The following SLCO1C1 variants were observed in gnomAD, a reference collection of about 807,000 sequenced individuals.
SLCO1C1 encodes OAT-RP-5.
SLCO1C1 carries 70 observed loss-of-function variants against 76.4 expected under a neutral mutation model. That is an observed-to-expected ratio of 0.92 (90% CI 0.76 to 1.12). SLCO1C1 has a LOEUF of 1.12. SLCO1C1 is among the 50% of genes most tolerant of loss of function. SLCO1C1 has a pLI of 0.00. For missense variants in SLCO1C1, 912 were observed against 823.8 expected, an observed-to-expected ratio of 1.11 and a Z score of -1.31; for synonymous variants, 306 against 286.1, an observed-to-expected ratio of 1.07 and a Z score of -0.70.
intron 12 of SLCO1C1, among the ~76,000 whole-genome samples, chr12:20,742,181 T>C (rs17326431): frequency 0.44 from 66,215 of 152,000 alleles, 17,157 homozygotes; most frequent in South Asian, 0.63. Flanking sequence ...TTCCAGAACA[T>C]TGTGGCTACT....
intron 12 of SLCO1C1, among the ~76,000 whole-genome samples, chr12:20,741,134 T>C (rs546416408): frequency 8.9e-4 from 136 of 152,028 alleles, no homozygotes; most frequent in African/African-American, 3.0e-3. Context: ...CCATCAGATC[T>C]TGTGAGAACA....
At chr12:20,700,570 G>A (rs1946473918) in intron 2 of SLCO1C1, among the ~76,000 whole-genome samples, 1 of 151,364 alleles carries the variant, frequency 6.6e-6, no homozygotes, top group South Asian at 2.1e-4. Flanking sequence ...TTTACATTAG[G>A]TATATCTCCT....
rs182594758 is a variant in SLCO1C1 at position 20,735,193 on chromosome 12, G to C, written c.1383-1914G>C. 4.5e-3 allele frequency among the ~76,000 whole-genome samples: 691 copies of C among 152,204 alleles called. 3 individuals carry two copies. The highest frequency in any genetic ancestry group is 6.8e-3 in the Non-Finnish European group (462 of 68,006). Reference sequence around the variant, plus strand: ...TCCATGTTGCTTTATTCCAAACGCTGTCTTGACCTGAATATTCAATAGGAA... The same window carrying C: ...TCCATGTTGCTTTATTCCAAACGCTCTCTTGACCTGAATATTCAATAGGAA... On this transcript the variant is annotated intron_variant, in intron 10 of 14. Transcript: ENST00000266509.
intron 12 of SLCO1C1, among the ~76,000 whole-genome samples, 164 bp from the exon 13 acceptor site, chr12:20,743,141 T>C (rs1948896779): frequency 6.6e-6 from 1 of 152,194 alleles, no homozygotes; most frequent in African/African-American, 2.4e-5. Flanking sequence ...GGAATGTGGC[T>C]TTTACGTATT....
Position 20,752,294 on chromosome 12 carries a change from C to G in SLCO1C1, c.1917-12C>G. 6.7e-7 allele frequency: 1 copy of G among 1,489,600 alleles called. No individual in the cohort carries two copies. Among genetic ancestry groups the G allele is most frequent in the Non-Finnish European group, 9.1e-7 (1 of 1,104,116 alleles). The allele number at this position is 1,489,600 out of a possible 1,614,324, so 92.3% of individuals were successfully genotyped here. ...TTGCATTAATTATAACAGAGATTCT[C>G]TCTTCTTCTAGACATATATATCTGG... On this transcript the variant is annotated splice_polypyrimidine_tract_variant and intron_variant, in intron 14 of 14. Transcript: ENST00000266509.
chr12:20,722,425 A>T (rs1947725710), intron 8 of SLCO1C1, among the ~76,000 whole-genome samples: 3 of 152,222 alleles, frequency 2.0e-5, no homozygotes, highest in African/African-American at 7.2e-5. Context: ...GTATCAATGC[A>T]TGTCTCTCAC....
chr12:20,733,672 T>A (rs1421123255), intron 10 of SLCO1C1, among the ~76,000 whole-genome samples: 2 of 152,200 alleles, frequency 1.3e-5, no homozygotes, highest in African/African-American at 4.8e-5. Flanking sequence ...TCATGTAAAG[T>A]TTCAGGAAAC....
At chr12:20,738,427 T>C (rs1272189520) in intron 11 of SLCO1C1, among the ~76,000 whole-genome samples, 2 of 152,168 alleles carry the variant, frequency 1.3e-5, no homozygotes, top group Non-Finnish European at 2.9e-5. Flanking sequence ...CATTTATTTA[T>C]ATATCCTTAT....
At chr12:20,720,237 A>T (rs1421694541) in intron 7 of SLCO1C1, among the ~76,000 whole-genome samples, 1 of 152,184 alleles carries the variant, frequency 6.6e-6, no homozygotes, top group Non-Finnish European at 1.5e-5. Context: ...ATTACTGCTC[A>T]TTGGCAATGC....
At chr12:20,719,264 C>T (rs1489131926) in intron 7 of SLCO1C1, among the ~76,000 whole-genome samples, 3 of 152,072 alleles carry the variant, frequency 2.0e-5, no homozygotes, top group East Asian at 1.9e-4. Flanking sequence ...CTGACTGCTC[C>T]ACTGACTGGC....
At chr12:20,716,175 G>T (rs868367418) in intron 6 of SLCO1C1, among the ~76,000 whole-genome samples, 1 of 152,136 alleles carries the variant, frequency 6.6e-6, no homozygotes, top group African/African-American at 2.4e-5. Flanking sequence ...GGGGGTGCTG[G>T]TTACACCTGA....
At chr12:20,712,332 A>G (rs1168770201) in intron 5 of SLCO1C1, among the ~76,000 whole-genome samples, 1 of 152,184 alleles carries the variant, frequency 6.6e-6, no homozygotes, top group Non-Finnish European at 1.5e-5. Context: ...TGGAAGTCCT[A>G]TGAGTCAAAG....
intron 14 of SLCO1C1, among the ~76,000 whole-genome samples, chr12:20,751,704 T>C (rs1949317235): frequency 6.6e-6 from 1 of 152,102 alleles, no homozygotes; most frequent in African/African-American, 2.4e-5. Flanking sequence ...TGAGAGTATG[T>C]TTTCAAGGTA....
rs1292183626 is a variant in SLCO1C1, at chr12:20,752,362, T to C, written c.1973T>C (p.Ile658Thr). The change falls in exon 15 of 15, where the codon ATT becomes ACT. Residue 658 changes from isoleucine to threonine, a missense_variant. Ile to Thr is a moderately conservative substitution (Grantham distance 89). Coordinates refer to ENST00000266509, the MANE Select transcript of SLCO1C1 (RefSeq NM_017435.5). ...ILGTVSILLS[I>T]AVLFILKKNY... ...GGCACAGTGTCAATTCTCCTAAGCA[T>C]TGCAGTACTTTTCATTTTAAAGAAA... 5 of 1,613,410 alleles carry C rather than the reference T, an allele frequency of 3.1e-6. No homozygotes were observed. The highest frequency in any genetic ancestry group is 1.7e-5 in the Admixed American group (1 of 59,992).
intron 11 of SLCO1C1, 99 bp downstream of exon 11, chr12:20,737,371 T>A: frequency 2.4e-6 from 3 of 1,234,348 alleles, no homozygotes; most frequent in Non-Finnish European, 3.3e-6. Flanking sequence ...AGTAGGAGGC[T>A]TGCCTCTTAC....
At chr12:20,742,721 T>A (rs1176481067) in intron 12 of SLCO1C1, among the ~76,000 whole-genome samples, 1 of 127,712 alleles carries the variant, frequency 7.8e-6, no homozygotes, top group African/African-American at 2.9e-5. Context: ...TTTTTTTTTT[T>A]AGTAGAGACG....
intron 7 of SLCO1C1, among the ~76,000 whole-genome samples, chr12:20,719,774 T>G (rs1290190012): frequency 6.6e-6 from 1 of 152,146 alleles, no homozygotes; most frequent in Non-Finnish European, 1.5e-5. Context: ...AAAGAAGCTG[T>G]CTCCATAACA....
rs1165558297 is a variant in SLCO1C1, at chr12:20,709,835, T to C, written c.405-1551T>C. Among the ~76,000 whole-genome samples, 18 of 58,536 alleles carry C rather than the reference T, an allele frequency of 3.1e-4. 5 individuals are homozygous for C. The highest frequency in any genetic ancestry group is 2.5e-3 in the Admixed American group (14 of 5,644). 38.4% of individuals were successfully genotyped at this position (58,536 alleles called of 152,430 possible). A position where few individuals can be genotyped will look rare whatever the true frequency, so the allele number is the denominator to read the frequency against. On this transcript the variant is annotated intron_variant, in intron 4 of 14. Coordinates refer to ENST00000266509, the MANE Select transcript of SLCO1C1 (RefSeq NM_017435.5). The stretch of plus-strand genomic sequence containing the variant: ...AGCGGAGCTTGCAGTGAGCCGAGAT[T>C]GCGCCACTGCAGTCCGCAGTCCGAC...
chr12:20,725,539 G>A lies in SLCO1C1; in HGVS notation c.1186+2285G>A, dbSNP rs530390458. On this transcript the variant is annotated intron_variant, in intron 9 of 14. Coordinates refer to ENST00000266509, the MANE Select transcript of SLCO1C1 (RefSeq NM_017435.5). ...ACAACATTCCACATGTACATTGGTG[G>A]GCCACTATGCTCATTTTTCATGGTT... Among the ~76,000 whole-genome samples the A allele has an allele frequency of 2.7e-4, 40 of 147,026 alleles. No homozygotes were observed. In the South Asian group the frequency reaches 5.5e-3, roughly 20 times the overall value.
Sources: allele counts gnomAD v4.1 joint callset (sites outside exome capture counted in the v4.1 genomes callset), GRCh38; gene constraint gnomAD v4.1.1; transcripts MANE v1.5; gene names NCBI Gene and HGNC (gene_info 2026-07-23, HGNC 2026-07-21).